SGCD: variants seen among roughly 807,000 people sequenced by gnomAD.
SGCD encodes the protein sarcoglycan delta, also known as delta-sarcoglycan.
In SGCD, 18 loss-of-function variants were observed where a neutral mutation model predicts 36.6. The ratio of observed to expected loss-of-function variants is 0.49; its 90% confidence interval spans 0.34 to 0.73. The LOEUF is 0.73. Among genes scored for constraint, SGCD ranks in the 30% least tolerant of loss-of-function variants. SGCD has a pLI of 0.01. For missense variants in SGCD, 387 were observed against 346.7 expected (o/e 1.12, Z -0.92); for synonymous variants, 133 against 130.6 (o/e 1.02, Z -0.12).
At chr5:156,617,919 A>G (rs1335529666) in intron 6 of SGCD, among the ~76,000 whole-genome samples, 2 of 152,198 alleles carry the variant, frequency 1.3e-5, no homozygotes, top group Non-Finnish European at 2.9e-5. Context: ...TTAGAATGCA[A>G]CAAAACTTAG....
intron 3 of SGCD, among the ~76,000 whole-genome samples, chr5:156,153,526 T>G (rs1762876519): frequency 6.6e-6 from 1 of 151,748 alleles, no homozygotes; most frequent in African/African-American, 2.4e-5. Flanking sequence ...TTCCTTATGT[T>G]TCATGGGAAC....
Position 156,187,045 on chromosome 5 carries a change from C to T in SGCD, c.-44+63026C>T, listed in dbSNP as rs193122660. ...AGAAGCAATGAACATAGAAGGGCAT[C>T]GTCAGTACTTTAATGAGGGAAAGGG... On this transcript the variant is annotated intron_variant, in intron 3 of 9. Transcript: ENST00000517913. 1.7e-3 allele frequency among the ~76,000 whole-genome samples: 262 copies of T among 151,926 alleles called. 1 individual carries two copies. The highest frequency in any genetic ancestry group is 5.8e-3 in the African/African-American group (239 of 41,422).
intron 7 of SGCD, among the ~76,000 whole-genome samples, chr5:156,729,042 G>A (rs541922809): frequency 2.4e-4 from 37 of 152,208 alleles, no homozygotes; most frequent in African/African-American, 8.7e-4. Flanking sequence ...CGTTCAAAAG[G>A]TAATTGGTAC....
intron 6 of SGCD, among the ~76,000 whole-genome samples, chr5:156,601,747 G>A (rs371944631): frequency 4.6e-5 from 7 of 152,190 alleles, no homozygotes; most frequent in East Asian, 1.9e-4. Flanking sequence ...GCAGTGGCGC[G>A]ATCTTGGCTC....
chr5:156,456,521 A>C (rs1022982208), intron 3 of SGCD, among the ~76,000 whole-genome samples: 4 of 152,194 alleles, frequency 2.6e-5, no homozygotes, highest in Non-Finnish European at 5.9e-5. Context: ...TAAGCTATGA[A>C]GGTGAAGAGA....
At chr5:156,488,250 A>G (rs1224645118) in intron 3 of SGCD, among the ~76,000 whole-genome samples, 1 of 151,844 alleles carries the variant, frequency 6.6e-6, no homozygotes, top group African/African-American at 2.4e-5. Context: ...TAGAAATCCT[A>G]TTTAATCATG....
intron 3 of SGCD, among the ~76,000 whole-genome samples, chr5:156,473,439 G>T (rs1445406749): frequency 3.9e-5 from 6 of 152,232 alleles, no homozygotes; most frequent in African/African-American, 1.4e-4. Flanking sequence ...GAGGGACATT[G>T]TGAAATTTCA....
chr5:156,141,709 T>C (rs1762585451), intron 3 of SGCD, among the ~76,000 whole-genome samples: 1 of 152,208 alleles, frequency 6.6e-6, no homozygotes, highest in African/African-American at 2.4e-5. Context: ...TGTTTGAATT[T>C]ACATATCCAG....
intron 1 of SGCD, among the ~76,000 whole-genome samples, chr5:156,073,019 G>C (rs1295521125): frequency 6.6e-6 from 1 of 152,014 alleles, no homozygotes; most frequent in African/African-American, 2.4e-5. Context: ...GGTTATTCTA[G>C]TTATACATTC....
At chr5:156,716,672 C>T (rs116685452) in intron 7 of SGCD, among the ~76,000 whole-genome samples, 399 of 152,268 alleles carry the variant, frequency 2.6e-3, no homozygotes, top group African/African-American at 9.0e-3. Flanking sequence ...TGGTGTTTTC[C>T]GGATCTAATG....
At chr5:156,222,570 GAGTAA>G (rs1764742945) in intron 3 of SGCD, among the ~76,000 whole-genome samples, 1 of 152,064 alleles carries the variant, frequency 6.6e-6, no homozygotes, top group Admixed American at 6.6e-5. Flanking sequence ...AAGAATGCTT[GAGTAA>G]AGTAAAGTGG....
At chr5:156,586,199 G>A (rs544741706) in intron 4 of SGCD, among the ~76,000 whole-genome samples, 9 of 152,128 alleles carry the variant, frequency 5.9e-5, no homozygotes, top group East Asian at 3.9e-4. Context: ...TGATGACCTC[G>A]ACAGTTTTGA....
chr5:156,744,407 T>C (rs1023442946), intron 7 of SGCD, among the ~76,000 whole-genome samples: 2 of 152,102 alleles, frequency 1.3e-5, no homozygotes, highest in African/African-American at 4.8e-5. Context: ...GTCTTTTGGC[T>C]CCCACCAATT....
At chr5:156,017,363 A>AT (rs1261718611) in intron 1 of SGCD, among the ~76,000 whole-genome samples, 3 of 152,020 alleles carry the variant, frequency 2.0e-5, no homozygotes, top group African/African-American at 7.2e-5. Flanking sequence ...AAATGCATCA[A>AT]TTTTTTAAAA....
Position 156,740,746 on chromosome 5 carries a change from GA to G in SGCD, c.576-16828del, listed in dbSNP as rs1383512372. ...AATGGTTCTCAACCACCTCCTTAAAGAAAAAAATTCAAATCAATAAATGCCC... is the reference window on the plus strand; with the variant it reads ...AATGGTTCTCAACCACCTCCTTAAAGAAAAAATTCAAATCAATAAATGCCC... On this transcript the variant is annotated intron_variant, in intron 7 of 8. Transcript: ENST00000337851. Among the ~76,000 whole-genome samples, 10 of 152,122 alleles carry G rather than the reference GA, an allele frequency of 6.6e-5. No homozygotes were observed. The East Asian group carries it at 1.9e-3, about 29-fold the overall frequency.
intron 3 of SGCD, among the ~76,000 whole-genome samples, chr5:156,297,030 A>ATATATAT (rs1554090858): frequency 3.6e-5 from 5 of 140,264 alleles, no homozygotes; most frequent in African/African-American, 1.5e-4. Context: ...ATAGCATATA[A>ATATATAT]ATATATATAT....
intron 3 of SGCD, among the ~76,000 whole-genome samples, chr5:156,261,761 A>G (rs899350308): frequency 6.6e-6 from 1 of 152,308 alleles, no homozygotes; most frequent in African/African-American, 2.4e-5. Context: ...GTGGGATAAG[A>G]TGTGGAGGTC....
chr5:156,750,638 CTCTG>C lies in SGCD; in HGVS notation c.576-6939_576-6936del, dbSNP rs529855368. Among the ~76,000 whole-genome samples the C allele has an allele frequency of 2.1e-3, 320 of 149,302 alleles. 2 individuals are homozygous for C. Among genetic ancestry groups the C allele is most frequent in the African/African-American group, 6.5e-3 (262 of 40,610 alleles). On this transcript the variant is annotated intron_variant, in intron 7 of 8. Coordinates refer to ENST00000337851, the MANE Select transcript of SGCD (RefSeq NM_000337.6). ...TTCAGCCTGGGCAACAAGAGTGAAA[CTCTG>C]TCTCAGAAAAAAAAAAAAAAGAAAA...
chr5:155,939,489 C>A (rs1757280038), intron 1 of SGCD, among the ~76,000 whole-genome samples: 2 of 151,332 alleles, frequency 1.3e-5, no homozygotes, highest in African/African-American at 4.9e-5. Flanking sequence ...AAAAAAAATA[C>A]AAAAATTAGC....
Sources: gnomAD v4.1 joint callset for allele counts (sites outside exome capture counted in the v4.1 genomes callset) on GRCh38, gnomAD v4.1.1 for gene constraint, MANE v1.5 for transcripts, NCBI Gene and HGNC (gene_info 2026-07-23, HGNC 2026-07-21) for gene names.